The following ITGAM variants were observed in gnomAD, a reference collection of about 807,000 sequenced individuals.
The protein encoded by ITGAM is integrin subunit alpha M.
A neutral mutation model predicts 137.5 loss-of-function variants in ITGAM; 79 were observed. That is an observed-to-expected ratio of 0.57 (90% confidence interval 0.48 to 0.69). The LOEUF (loss-of-function observed/expected upper bound fraction) is 0.69. ITGAM is among the 30% of genes least tolerant of loss of function. The pLI is 0.00. For synonymous variants in ITGAM, 583 were observed against 592.3 expected (o/e 0.98, Z 0.23); for missense variants, 1,343 against 1,483.5 (o/e 0.91, Z 1.56).
At chr16:31,329,359 G>A in intron 24 of ITGAM, 56 bp downstream of exon 24, 1 of 1,281,140 alleles carries the variant, frequency 7.8e-7, no homozygotes, top group Admixed American at 1.8e-5. Context: ...AAAATCGATG[G>A]TAGAAAATGC....
chr16:31,291,734 A>G (rs1319385388), intron 12 of ITGAM, among the ~76,000 whole-genome samples: 4 of 152,200 alleles, frequency 2.6e-5, no homozygotes, highest in Middle Eastern at 3.4e-3. Flanking sequence ...GGAGCTAAAA[A>G]AAAATGGATC....
At chr16:31,296,823 A>C (rs1485673019) in intron 12 of ITGAM, among the ~76,000 whole-genome samples, 1 of 152,240 alleles carries the variant, frequency 6.6e-6, no homozygotes, top group East Asian at 1.9e-4. Flanking sequence ...GAATGAATGT[A>C]TGATTAAATA....
intron 16 of ITGAM, among the ~76,000 whole-genome samples, chr16:31,323,630 G>A (rs1256979509): frequency 6.6e-6 from 1 of 152,138 alleles, no homozygotes; most frequent in Non-Finnish European, 1.5e-5. Context: ...ACCATTTATT[G>A]AGCACTTATT....
chr16:31,318,039 C>A (rs550318868), intron 14 of ITGAM, among the ~76,000 whole-genome samples: 1 of 152,170 alleles, frequency 6.6e-6, no homozygotes, highest in Admixed American at 6.5e-5. Flanking sequence ...GAGAAGCCAC[C>A]AGGTCCTGGG....
chr16:31,303,812 T>C (rs1258766880), intron 14 of ITGAM, among the ~76,000 whole-genome samples: 2 of 152,178 alleles, frequency 1.3e-5, no homozygotes, highest in African/African-American at 4.8e-5. Context: ...TGTGTATATA[T>C]ACACATATAC....
At chr16:31,265,051 T>A (rs1264268345) in intron 2 of ITGAM, among the ~76,000 whole-genome samples, 1 of 151,994 alleles carries the variant, frequency 6.6e-6, no homozygotes, top group African/African-American at 2.4e-5. Context: ...GTATTTTTAG[T>A]AGAGGCGGGG....
At chr16:31,329,961 T>G in intron 25 of ITGAM, 56 bp downstream of exon 25, 1 of 1,532,510 alleles carries the variant, frequency 6.5e-7, no homozygotes. Flanking sequence ...CTCACCTCTG[T>G]TAATGCTATT....
chr16:31,311,204 C>T lies in ITGAM; in HGVS notation c.1708-10037C>T, dbSNP rs189181416. Among the ~76,000 whole-genome samples the T allele has an allele frequency of 2.4e-3, 361 of 152,206 alleles. 2 individuals carry two copies. The highest frequency in any genetic ancestry group is 8.3e-3 in the African/African-American group (343 of 41,516). ...CCCTAGAAGAAAACCTAGGCAATACCATTGAGGACATAGGCATGGGCAAGG... is the reference window on the plus strand; with the variant it reads ...CCCTAGAAGAAAACCTAGGCAATACTATTGAGGACATAGGCATGGGCAAGG... On this transcript the variant is annotated intron_variant, in intron 14 of 29. Transcript: ENST00000544665.
At chr16:31,277,830 G>C (rs1018356654) in intron 11 of ITGAM, 137 bp from the exon 12 acceptor site, 1 of 871,810 alleles carries the variant, frequency 1.1e-6, no homozygotes, top group South Asian at 1.9e-5. Context: ...TGTTCATAAA[G>C]AGAAATATAG....
intron 12 of ITGAM, among the ~76,000 whole-genome samples, chr16:31,285,954 G>A (rs1387831849): frequency 6.6e-6 from 1 of 152,050 alleles, no homozygotes; most frequent in Non-Finnish European, 1.5e-5. Context: ...TTACAGGTGT[G>A]AACCACTGCG....
At chr16:31,314,038 T>C (rs552970688) in intron 14 of ITGAM, among the ~76,000 whole-genome samples, 1 of 152,310 alleles carries the variant, frequency 6.6e-6, no homozygotes, top group South Asian at 2.1e-4. Flanking sequence ...TTTTGAGAAG[T>C]ATCTGTTCAT....
chr16:31,304,246 G>A (rs893283216), intron 14 of ITGAM, among the ~76,000 whole-genome samples: 2 of 151,842 alleles, frequency 1.3e-5, no homozygotes, highest in Non-Finnish European at 2.9e-5. Context: ...TATGTTTATC[G>A]GCCATTTGTA....
chr16:31,272,422 ACTATATATATAT>A (rs1390017921), intron 7 of ITGAM, among the ~76,000 whole-genome samples: 3,230 of 48,824 alleles, frequency 0.066, 189 homozygotes, highest in South Asian at 0.14. Flanking sequence ...AGGCCAATTA[ACTATATATATAT>A]ATATATATAT....
intron 5 of ITGAM, among the ~76,000 whole-genome samples, chr16:31,270,689 G>A (rs1473744253): frequency 6.1e-5 from 1 of 16,506 alleles, no homozygotes; most frequent in Non-Finnish European, 1.1e-4. Flanking sequence ...AATTTTTAAC[G>A]TGTGTGTGTG....
At chr16:31,302,679 C>G (rs1170315206) in intron 14 of ITGAM, among the ~76,000 whole-genome samples, 1 of 150,892 alleles carries the variant, frequency 6.6e-6, no homozygotes, top group Non-Finnish European at 1.5e-5. Flanking sequence ...AGATGACAGG[C>G]GCCCGCCACT....
intron 14 of ITGAM, among the ~76,000 whole-genome samples, chr16:31,315,390 C>A (rs2080380204): frequency 6.6e-6 from 1 of 152,106 alleles, no homozygotes; most frequent in Non-Finnish European, 1.5e-5. Context: ...CTCTACGTTT[C>A]CTTCTAATAG....
intron 16 of ITGAM, among the ~76,000 whole-genome samples, chr16:31,323,470 G>C (rs1000215114): frequency 6.7e-6 from 1 of 148,906 alleles, no homozygotes; most frequent in East Asian, 1.9e-4. Context: ...AAGACATCAA[G>C]ATTCTTTACA....
chr16:31,330,215 C>T, intron 26 of ITGAM, 51 bp downstream of exon 26: 1 of 1,596,396 alleles, frequency 6.3e-7, no homozygotes, highest in Non-Finnish European at 8.6e-7. Flanking sequence ...GAGCGCTTCC[C>T]TGCTGGAACC....
At chr16:31,268,096 C>T (rs1044841783) in intron 5 of ITGAM, among the ~76,000 whole-genome samples, 1 of 152,162 alleles carries the variant, frequency 6.6e-6, no homozygotes, top group African/African-American at 2.4e-5. Flanking sequence ...CAGTCTCCTC[C>T]TCATCTCCTG....
Sources: gnomAD v4.1 joint callset for allele counts (sites outside exome capture counted in the v4.1 genomes callset) on GRCh38, gnomAD v4.1.1 for gene constraint, MANE v1.5 for transcripts, NCBI Gene and HGNC (gene_info 2026-07-23, HGNC 2026-07-21) for gene names.